CERT1: variants seen among roughly 807,000 people sequenced by gnomAD.
CERT1 encodes ceramide transfer protein.
A neutral mutation model predicts 87.9 loss-of-function variants in CERT1; 31 were observed. The observed-to-expected ratio is 0.35, with a 90% confidence interval of 0.27 to 0.48. The LOEUF is 0.48. CERT1 is among the 20% of genes least tolerant of loss of function. CERT1 has a pLI of 0.99. For synonymous variants in CERT1, 289 were observed against 250.9 expected, an observed-to-expected ratio of 1.15 and a Z score of -1.44; for missense variants, 487 against 758.0, an observed-to-expected ratio of 0.64 and a Z score of 4.20.
intron 2 of CERT1, among the ~76,000 whole-genome samples, chr5:75,495,493 G>C (rs1463483261): frequency 2.0e-5 from 3 of 152,014 alleles, no homozygotes; most frequent in Non-Finnish European, 4.4e-5. Context: ...AGGAGGTAGA[G>C]GCTTCAGTGT....
chr5:75,471,272 T>C (rs945294038), intron 2 of CERT1, among the ~76,000 whole-genome samples: 8 of 152,210 alleles, frequency 5.3e-5, no homozygotes, highest in Non-Finnish European at 1.2e-4. Context: ...TACAGCTTAT[T>C]GCTTCCAAGC....
intron 14 of CERT1, among the ~76,000 whole-genome samples, chr5:75,382,319 A>C (rs971385778): frequency 1.3e-5 from 2 of 152,206 alleles, no homozygotes; most frequent in African/African-American, 2.4e-5. Flanking sequence ...ATAATTTGTC[A>C]TTTTAACTAA....
At position 75,481,188 on chromosome 5, in the gene CERT1, C is replaced by T. The variant is rs150861916; in HGVS notation, c.232-22007G>A. 1.3e-3 allele frequency among the ~76,000 whole-genome samples: 201 copies of T among 152,296 alleles called. 2 individuals carry two copies. The highest frequency in any genetic ancestry group is 4.6e-3 in the African/African-American group (192 of 41,566). On this transcript the variant is annotated intron_variant, in intron 2 of 16. Coordinates refer to ENST00000643780, the MANE Select transcript of CERT1 (RefSeq NM_001379029.1). ...AGTCGTATTGGCCTTCTTTAACTAG[C>T]TTTGGTTGTCCTTTACAACTGCTGT...
chr5:75,444,404 A>T (rs1335434137), intron 3 of CERT1, among the ~76,000 whole-genome samples: 1 of 151,986 alleles, frequency 6.6e-6, no homozygotes, highest in South Asian at 2.1e-4. Flanking sequence ...GAAGAGTTGG[A>T]TCCATTTACA....
chr5:75,490,885 G>A (rs1766758347), intron 2 of CERT1, among the ~76,000 whole-genome samples: 1 of 151,756 alleles, frequency 6.6e-6, no homozygotes, highest in Non-Finnish European at 1.5e-5. Flanking sequence ...TCATCTCTTT[G>A]AGTACAATTC....
rs190315971 is a variant in CERT1 at position 75,492,475 on chromosome 5, G to T, written c.231+13507C>A. Among the ~76,000 whole-genome samples, 24 of 152,266 alleles carry T rather than the reference G, an allele frequency of 1.6e-4. No individual in the cohort carries two copies. The East Asian group carries it at 4.6e-3, about 29-fold the overall frequency. On this transcript the variant is annotated intron_variant, in intron 2 of 16. Coordinates refer to ENST00000643780, the MANE Select transcript of CERT1 (RefSeq NM_001379029.1). ...TTAGTTGAGCCCAGGAGGAAAGACA[G>T]GCTTTTGATACCAGAGGAGGAAAAG...
At chr5:75,505,871 G>T in intron 2 of CERT1, 111 bp downstream of exon 2, 1 of 774,288 alleles carries the variant, frequency 1.3e-6, no homozygotes, top group Non-Finnish European at 2.0e-6. Context: ...ATTCTACAAG[G>T]ACAAGGATCT....
In CERT1 at chr5:75,404,957, A is replaced by C. The variant is rs532245283; in HGVS notation, c.931-1899T>G. 3.9e-5 allele frequency among the ~76,000 whole-genome samples: 6 copies of C among 152,236 alleles called. No homozygotes were observed. In the South Asian group the frequency reaches 1.0e-3, roughly 26 times the overall value. ...GGGAGGCGGAAGTTGCAGAGGTTGCAGTGAGCCAAGATCGCACCACTGCAC... is the reference window on the plus strand; with the variant it reads ...GGGAGGCGGAAGTTGCAGAGGTTGCCGTGAGCCAAGATCGCACCACTGCAC... On this transcript the variant is annotated intron_variant, in intron 8 of 16. Coordinates refer to ENST00000643780, the MANE Select transcript of CERT1 (RefSeq NM_001379029.1).
intron 7 of CERT1, among the ~76,000 whole-genome samples, chr5:75,414,744 A>G (rs1053989735): frequency 1.4e-4 from 21 of 152,164 alleles, no homozygotes; most frequent in African/African-American, 4.8e-4. Context: ...AATCTACATA[A>G]AAGTATAATA....
chr5:75,492,259 G>A (rs958935917), intron 2 of CERT1, among the ~76,000 whole-genome samples: 13 of 152,078 alleles, frequency 8.5e-5, no homozygotes, highest in Admixed American at 2.6e-4. Context: ...CAGCTACTAC[G>A]GAGGCTGAGG....
intron 2 of CERT1, among the ~76,000 whole-genome samples, chr5:75,491,730 T>C (rs752781795): frequency 1.3e-5 from 2 of 152,194 alleles, no homozygotes; most frequent in Admixed American, 6.5e-5. Flanking sequence ...TATCTACAAG[T>C]AATGTTCAAG....
chr5:75,462,258 CT>C (rs1765264027), intron 2 of CERT1, among the ~76,000 whole-genome samples: 1 of 152,184 alleles, frequency 6.6e-6, no homozygotes, highest in Non-Finnish European at 1.5e-5. Context: ...AGTCCACAAA[CT>C]TTTTGGGACC....
chr5:75,378,813 T>C lies in CERT1; in HGVS notation c.*533A>G, dbSNP rs1761432901. 6.6e-6 allele frequency: 1 copy of C among 152,206 alleles called. No homozygotes were observed. 9.4% of individuals were successfully genotyped at this position (152,206 alleles called of 1,614,324 possible). ...TCTACAATTCTACAGTTCTATAATA[T>C]CAAAATTTCTTTACATAAGCATTAG... is the stretch of plus-strand genomic sequence containing the variant. On this transcript the variant is annotated 3_prime_UTR_variant, in exon 17 of 17. Transcript: ENST00000643780.
chr5:75,410,011 T>G (rs1487277943), intron 8 of CERT1, among the ~76,000 whole-genome samples: 1 of 152,186 alleles, frequency 6.6e-6, no homozygotes, highest in East Asian at 1.9e-4. Flanking sequence ...TGCTATGCTG[T>G]CCAGGTTGGT....
At chr5:75,452,311 C>G (rs1764799362) in intron 3 of CERT1, among the ~76,000 whole-genome samples, 1 of 152,202 alleles carries the variant, frequency 6.6e-6, no homozygotes, top group African/African-American at 2.4e-5. Flanking sequence ...TGGGGAAAGT[C>G]TGTGTGGCCC....
At chr5:75,510,066 A>G (rs1165923991) in intron 1 of CERT1, among the ~76,000 whole-genome samples, 1 of 152,206 alleles carries the variant, frequency 6.6e-6, no homozygotes, top group African/African-American at 2.4e-5. Flanking sequence ...ACAATTCCAC[A>G]AATAATGTCC....
chr5:75,475,452 C>G (rs568175446), intron 2 of CERT1, among the ~76,000 whole-genome samples: 75 of 152,198 alleles, frequency 4.9e-4, no homozygotes, highest in African/African-American at 1.8e-3. Flanking sequence ...ACTTTAATAC[C>G]TACATATTTT....
intron 5 of CERT1, among the ~76,000 whole-genome samples, chr5:75,424,521 G>A (rs1181452819): frequency 2.6e-5 from 4 of 151,378 alleles, no homozygotes; most frequent in East Asian, 1.9e-4. Flanking sequence ...GCAGCGAGCC[G>A]AGATCACGCG....
chr5:75,508,649 C>T (rs1767771133), intron 1 of CERT1, among the ~76,000 whole-genome samples: 1 of 151,944 alleles, frequency 6.6e-6, no homozygotes, highest in Non-Finnish European at 1.5e-5. Flanking sequence ...TTACTGTGGC[C>T]AACAGGCCAG....
Sources: allele counts gnomAD v4.1 joint callset (sites outside exome capture counted in the v4.1 genomes callset), GRCh38; gene constraint gnomAD v4.1.1; transcripts MANE v1.5; gene names NCBI Gene and HGNC (gene_info 2026-07-23, HGNC 2026-07-21).